Variants in ZBTB20 observed in about 807,000 individuals in gnomAD.
The protein encoded by ZBTB20 is zinc finger and BTB domain-containing protein 20.
In ZBTB20, 9 loss-of-function variants were observed where a neutral mutation model predicts 56.9. That is an observed-to-expected ratio of 0.16 (90% CI 0.10 to 0.28). ZBTB20 has a LOEUF of 0.28. Ranked by LOEUF, ZBTB20 falls within the 10% of genes least tolerant of loss-of-function variation. The pLI is 1.00. For synonymous variants in ZBTB20, 417 were observed against 420.7 expected, an observed-to-expected ratio of 0.99 and a Z score of 0.11; for missense variants, 655 against 1,003.0, an observed-to-expected ratio of 0.65 and a Z score of 4.69.
At position 114,844,545 on chromosome 3, in the gene ZBTB20, A is replaced by AAAAAAAAC. The variant is rs2074583849; in HGVS notation, c.-416-43379_-416-43372dup. Among the ~76,000 whole-genome samples, 11 of 140,628 alleles carry AAAAAAAAC rather than the reference A, an allele frequency of 7.8e-5. 2 individuals are homozygous for AAAAAAAAC. Among genetic ancestry groups the AAAAAAAAC allele is most frequent in the Non-Finnish European group, 1.5e-5 (1 of 65,554 alleles). 92.3% of individuals were successfully genotyped at this position (140,628 alleles called of 152,430 possible). A position where few individuals can be genotyped will look rare whatever the true frequency, so the allele number is the denominator to read the frequency against. ...CAAAAAAAAAAAAAAAAAAAAAAAAAAAAAAAACTTTCATTTCTCTTGTGT... is the reference window on the plus strand; with the variant it reads ...CAAAAAAAAAAAAAAAAAAAAAAAAAAAAAAAACAAAAAAACTTTCATTTCTCTTGTGT... On this transcript the variant is annotated intron_variant, in intron 4 of 11. Coordinates refer to ENST00000675478, the MANE Select transcript of ZBTB20 (RefSeq NM_001348800.3).
chr3:114,476,498 G>GTCT (rs2109314917), intron 7 of ZBTB20, among the ~76,000 whole-genome samples: 1 of 152,354 alleles, frequency 6.6e-6, no homozygotes, highest in African/African-American at 2.4e-5. Context: ...AGGTTGGGAT[G>GTCT]TCTAGTATGA....
chr3:114,968,960 AT>A, intron 3 of ZBTB20, among the ~76,000 whole-genome samples: 1 of 152,182 alleles, frequency 6.6e-6, no homozygotes, highest in Admixed American at 6.5e-5. Context: ...TCTACAAGTC[AT>A]CCACCATTAA....
chr3:114,411,307 C>T (rs2108768730), intron 7 of ZBTB20, among the ~76,000 whole-genome samples: 1 of 152,228 alleles, frequency 6.6e-6, no homozygotes, highest in South Asian at 2.1e-4. Context: ...CATCCCAGGT[C>T]CCCCATGGCT....
intron 4 of ZBTB20, among the ~76,000 whole-genome samples, chr3:114,816,098 C>T (rs538397882): frequency 6.6e-6 from 1 of 152,254 alleles, no homozygotes; most frequent in South Asian, 2.1e-4. Flanking sequence ...ACATCATCTC[C>T]CATGGCTCAG....
Position 114,842,959 on chromosome 3 carries a change from C to T in ZBTB20, c.-416-41785G>A, listed in dbSNP as rs550088638. Reference sequence around the variant, plus strand: ...TGGAAGGTGATTGGAGCAAGGGGGGCGATTTTCCCCATGCTCTTCTGTGAT... The same window carrying T: ...TGGAAGGTGATTGGAGCAAGGGGGGTGATTTTCCCCATGCTCTTCTGTGAT... On this transcript the variant is annotated intron_variant, in intron 4 of 11. Transcript: ENST00000675478. 9.2e-5 allele frequency among the ~76,000 whole-genome samples: 14 copies of T among 152,178 alleles called. No homozygotes were observed. In the East Asian group the frequency reaches 9.7e-4, roughly 11 times the overall value.
chr3:115,060,593 G>T (rs2081978443), intron 2 of ZBTB20, among the ~76,000 whole-genome samples: 2 of 151,980 alleles, frequency 1.3e-5, no homozygotes, highest in Admixed American at 6.6e-5. Flanking sequence ...TTTTCAAAAA[G>T]ATATCCCACA....
At chr3:114,714,589 C>T (rs1327048721) in intron 5 of ZBTB20, among the ~76,000 whole-genome samples, 1 of 151,788 alleles carries the variant, frequency 6.6e-6, no homozygotes, top group East Asian at 1.9e-4. Flanking sequence ...TCCATTGTGT[C>T]CCCTTCTTCT....
intron 6 of ZBTB20, among the ~76,000 whole-genome samples, chr3:114,603,428 T>A (rs2056910419): frequency 6.6e-6 from 1 of 151,946 alleles, no homozygotes; most frequent in East Asian, 1.9e-4. Context: ...GAACCACATC[T>A]TTCAATATAA....
At chr3:115,015,077 G>A (rs188760508) in intron 2 of ZBTB20, among the ~76,000 whole-genome samples, 31 of 151,914 alleles carry the variant, frequency 2.0e-4, no homozygotes, top group Admixed American at 5.3e-4. Context: ...GGTCTTACTT[G>A]CTGTGTGGTG....
chr3:114,731,866 C>G (rs2065785856), intron 5 of ZBTB20, among the ~76,000 whole-genome samples: 1 of 151,828 alleles, frequency 6.6e-6, no homozygotes, highest in Non-Finnish European at 1.5e-5. Context: ...AGTAACTAAT[C>G]CGGCTGTGCC....
chr3:114,344,564 A>G (rs1435867729), intron 11 of ZBTB20, among the ~76,000 whole-genome samples: 1 of 152,246 alleles, frequency 6.6e-6, no homozygotes, highest in Non-Finnish European at 1.5e-5. Context: ...TTCAATTCAA[A>G]GAGCAATCAT....
At chr3:114,665,678 G>A (rs1169084416) in intron 6 of ZBTB20, among the ~76,000 whole-genome samples, 2 of 151,984 alleles carry the variant, frequency 1.3e-5, no homozygotes, top group Non-Finnish European at 2.9e-5. Flanking sequence ...GTCTTACACA[G>A]GACAGTCATT....
intron 6 of ZBTB20, among the ~76,000 whole-genome samples, chr3:114,501,868 C>A (rs1055626792): frequency 1.3e-5 from 2 of 151,580 alleles, no homozygotes; most frequent in African/African-American, 4.8e-5. Context: ...ACCACCACAC[C>A]CAGCTAATTT....
intron 5 of ZBTB20, among the ~76,000 whole-genome samples, chr3:114,721,318 G>T (rs2064893021): frequency 6.6e-6 from 1 of 152,074 alleles, no homozygotes; most frequent in Non-Finnish European, 1.5e-5. Context: ...AAGGTAATGA[G>T]AGAGAAAGAG....
At chr3:115,012,394 A>G (rs2079758871) in intron 2 of ZBTB20, among the ~76,000 whole-genome samples, 2 of 151,888 alleles carry the variant, frequency 1.3e-5, no homozygotes, top group African/African-American at 4.8e-5. Context: ...TGCCAATGGA[A>G]ACTAAAAAAG....
chr3:114,421,671 T>G (rs1014234630), intron 7 of ZBTB20, among the ~76,000 whole-genome samples: 2 of 152,116 alleles, frequency 1.3e-5, no homozygotes, highest in Non-Finnish European at 2.9e-5. Context: ...ACTATTATGA[T>G]GGGTTTATAA....
chr3:114,975,949 A>C (rs558725761), intron 2 of ZBTB20, among the ~76,000 whole-genome samples: 3 of 152,168 alleles, frequency 2.0e-5, no homozygotes, highest in Non-Finnish European at 4.4e-5. Flanking sequence ...ATGAATATGT[A>C]CTCAGTGAAT....
intron 2 of ZBTB20, among the ~76,000 whole-genome samples, chr3:115,061,907 T>C (rs1457016094): frequency 6.6e-6 from 1 of 152,180 alleles, no homozygotes; most frequent in African/African-American, 2.4e-5. Context: ...GCAGCAAGCA[T>C]TGGTCCTTTT....
intron 1 of ZBTB20, among the ~76,000 whole-genome samples, chr3:115,121,706 C>T (rs2084185803): frequency 1.3e-5 from 2 of 151,888 alleles, no homozygotes. Context: ...TAGAGATGGG[C>T]TTATCTTCAA....
Sources: allele counts gnomAD v4.1 joint callset (sites outside exome capture counted in the v4.1 genomes callset), GRCh38; gene constraint gnomAD v4.1.1; transcripts MANE v1.5; gene names NCBI Gene and HGNC (gene_info 2026-07-23, HGNC 2026-07-21).